Variants in ERI3 observed in about 807,000 individuals in gnomAD.
ERI3 encodes ERI1 exoribonuclease family member 3, also known as ERI1 exoribonuclease 3.
Under a neutral mutation model 44.4 loss-of-function variants are expected in ERI3, and 18 were observed. That is an observed-to-expected ratio of 0.41 (90% CI 0.28 to 0.60). The LOEUF is 0.60. Ranked by LOEUF, ERI3 falls within the 20% of genes least tolerant of loss-of-function variation. The probability of loss-of-function intolerance (pLI) is 0.36; values close to 1 mark genes in which losing one functional copy is unlikely to be tolerated. For synonymous variants in ERI3, 183 were observed against 164.8 expected (o/e 1.11, Z -0.84); for missense variants, 294 against 435.5 (o/e 0.68, Z 2.89).
rs1191393853 is a variant in ERI3, at chr1:44,241,755, G to C, written c.931+6184C>G. 6.6e-6 allele frequency among the ~76,000 whole-genome samples: 1 copy of C among 152,154 alleles called. No individual in the cohort carries two copies. The highest frequency in any genetic ancestry group is 1.5e-5 in the Non-Finnish European group (1 of 68,028). On this transcript the variant is annotated intron_variant, in intron 8 of 8. Coordinates refer to ENST00000372257, the MANE Select transcript of ERI3 (RefSeq NM_024066.3). The surrounding 1 kb of genome is among the most constrained non-coding windows in gnomAD (Gnocchi z 5.6). ...AGGCGAGGCCGGGGCCTGGGGCTAG[G>C]AAGGTGGGGAAACAAAGATTGTACT...
rs1644093971 is a variant in ERI3 at position 44,228,286 on chromosome 1, G to A, written c.932-6646C>T. Among the ~76,000 whole-genome samples, 1 of 152,136 alleles carries A rather than the reference G, an allele frequency of 6.6e-6. No homozygotes were observed. The highest frequency in any genetic ancestry group is 1.5e-5 in the Non-Finnish European group (1 of 68,044). ...TGCCTGGAGGTGCCACAGGCTGATGGTGAAGGATGACGATGGTTCCACAAT... is the reference window on the plus strand; with the variant it reads ...TGCCTGGAGGTGCCACAGGCTGATGATGAAGGATGACGATGGTTCCACAAT... On this transcript the variant is annotated intron_variant, in intron 8 of 8. Transcript: ENST00000372257. This position sits in a 1 kb window ranked among gnomAD's most constrained non-coding sequence, Gnocchi z 4.3.
At chr1:44,292,644 G>A (rs551449064) in intron 6 of ERI3, among the ~76,000 whole-genome samples, 94 of 152,306 alleles carry the variant, frequency 6.2e-4, no homozygotes, top group African/African-American at 1.7e-3. Context: ...GCAAGTGTGC[G>A]TGCATGCACA....
intron 8 of ERI3, chr1:44,244,209 A>G (rs563797846): frequency 6.5e-6 from 1 of 153,138 alleles, no homozygotes; most frequent in African/African-American, 2.4e-5. Flanking sequence ...GCAGCCCTGG[A>G]GTCAGCAGTT....
At chr1:44,271,410 C>T (rs1645085149) in intron 7 of ERI3, among the ~76,000 whole-genome samples, 1 of 152,186 alleles carries the variant, frequency 6.6e-6, no homozygotes, top group South Asian at 2.1e-4. Flanking sequence ...GTATCTCCAC[C>T]AAAACCTTTC....
chr1:44,310,742 C>T (rs1260810520), intron 5 of ERI3, among the ~76,000 whole-genome samples: 2 of 152,078 alleles, frequency 1.3e-5, no homozygotes, highest in African/African-American at 4.8e-5. Flanking sequence ...CTACCTAGTT[C>T]CGTGGCTATA....
chr1:44,281,248 TC>T (rs1373590157), intron 7 of ERI3, among the ~76,000 whole-genome samples: 11 of 152,070 alleles, frequency 7.2e-5, no homozygotes, highest in Non-Finnish European at 1.3e-4. Context: ...CCTTCTTATA[TC>T]CCCAGGCCCT....
At chr1:44,279,290 T>C (rs1010598042) in intron 7 of ERI3, among the ~76,000 whole-genome samples, 1 of 152,006 alleles carries the variant, frequency 6.6e-6, no homozygotes, top group African/African-American at 2.4e-5. Context: ...AGTGGTACAA[T>C]CACAGCTCAC....
chr1:44,342,836 T>TATAA (rs1299785286), intron 2 of ERI3, among the ~76,000 whole-genome samples: 1 of 27,598 alleles, frequency 3.6e-5, no homozygotes, highest in African/African-American at 1.6e-4. Context: ...TATATATATA[T>TATAA]ATATATATAT....
At chr1:44,232,669 G>A (rs1423797951) in intron 8 of ERI3, among the ~76,000 whole-genome samples, 1 of 152,190 alleles carries the variant, frequency 6.6e-6, no homozygotes, top group Non-Finnish European at 1.5e-5. Context: ...GGGAAGACGG[G>A]AAAAGGCAAG....
intron 7 of ERI3, among the ~76,000 whole-genome samples, chr1:44,278,359 C>T (rs141808421): frequency 2.3e-3 from 343 of 152,116 alleles, no homozygotes; most frequent in Middle Eastern, 0.014. Context: ...CACCTGCAGT[C>T]CCAGCTACTT....
At chr1:44,243,968 G>C (rs1413466219) in intron 8 of ERI3, 1 of 152,202 alleles carries the variant, frequency 6.6e-6, no homozygotes, top group Non-Finnish European at 1.5e-5. Flanking sequence ...ACCTTAGGCA[G>C]TTCACTTCAC....
chr1:44,275,828 C>T lies in ERI3; in HGVS notation c.831+9007G>A, dbSNP rs770932385. On this transcript the variant is annotated intron_variant, in intron 7 of 8. Coordinates refer to ENST00000372257, the MANE Select transcript of ERI3 (RefSeq NM_024066.3). ...CTGACTCAGAATCCTCCTAAGGCTG[C>T]CTGCCTGCTTCCCCAGAAGCCCACC... Among the ~76,000 whole-genome samples the T allele has an allele frequency of 9.2e-5, 14 of 152,190 alleles. 1 individual carries two copies. Among genetic ancestry groups the T allele is most frequent in the Non-Finnish European group, 2.1e-4 (14 of 68,042 alleles).
intron 5 of ERI3, among the ~76,000 whole-genome samples, chr1:44,312,208 G>A (rs1225290419): frequency 1.3e-5 from 2 of 152,168 alleles, no homozygotes; most frequent in Non-Finnish European, 2.9e-5. Flanking sequence ...ACTTCCTCTA[G>A]GCTGCACACC....
chr1:44,257,362 G>C (rs1410554500), intron 7 of ERI3, among the ~76,000 whole-genome samples: 1 of 151,220 alleles, frequency 6.6e-6, no homozygotes, highest in Non-Finnish European at 1.5e-5. Context: ...CCGATCAGGA[G>C]ACAGGGACTG....
intron 2 of ERI3, among the ~76,000 whole-genome samples, chr1:44,342,858 T>TATAAATA (rs1408660607): frequency 1.8e-4 from 2 of 11,364 alleles, no homozygotes; most frequent in African/African-American, 2.9e-4. Flanking sequence ...TATATATATA[T>TATAAATA]TTTTTTTTTT....
At chr1:44,272,826 C>T (rs1381648401) in intron 7 of ERI3, among the ~76,000 whole-genome samples, 1 of 148,012 alleles carries the variant, frequency 6.8e-6, no homozygotes, top group East Asian at 2.0e-4. Flanking sequence ...GGTGACAGAG[C>T]AAGAGACTGT....
Position 44,353,566 on chromosome 1 carries a change from C to T in ERI3, c.136-641G>A, listed in dbSNP as rs1646938841. Reference sequence around the variant, plus strand: ...AACTAATATATTCCTGTCTACCATTCCACACATTTAAGACTTTCTTCTACT... The same window carrying T: ...AACTAATATATTCCTGTCTACCATTTCACACATTTAAGACTTTCTTCTACT... On this transcript the variant is annotated intron_variant, in intron 1 of 8. Transcript: ENST00000372257. 6 of 985,292 alleles carry T rather than the reference C, an allele frequency of 6.1e-6. No individual in the cohort carries two copies. In the South Asian group the frequency reaches 2.3e-4, roughly 39 times the overall value. The allele number at this position is 985,292 out of a possible 1,614,324, so 61.0% of individuals were successfully genotyped here.
chr1:44,315,480 C>T lies in ERI3; in HGVS notation c.607-2252G>A, dbSNP rs75193483. 5.3e-3 allele frequency among the ~76,000 whole-genome samples: 800 copies of T among 152,328 alleles called. 7 individuals carry two copies. Among genetic ancestry groups the T allele is most frequent in the African/African-American group, 0.018 (754 of 41,568 alleles). On this transcript the variant is annotated intron_variant, in intron 4 of 8. Coordinates refer to ENST00000372257, the MANE Select transcript of ERI3 (RefSeq NM_024066.3). ...TCTGGTGTTCTGCTGCAGGATGCCT[C>T]ACTGCAGACTAAACCCAACTCTCCC...
chr1:44,352,419 T>C (rs1254745348), intron 2 of ERI3, among the ~76,000 whole-genome samples: 4 of 128,642 alleles, frequency 3.1e-5, no homozygotes, highest in Non-Finnish European at 3.4e-5. Flanking sequence ...GATAGATAGA[T>C]AGATAGATAG....
Sources: allele counts gnomAD v4.1 joint callset (sites outside exome capture counted in the v4.1 genomes callset), GRCh38; gene constraint gnomAD v4.1.1; non-coding constraint Gnocchi (gnomAD v3.1); transcripts MANE v1.5; gene names NCBI Gene and HGNC (gene_info 2026-07-23, HGNC 2026-07-21).